DCHS2: variants seen among roughly 807,000 people sequenced by gnomAD.
DCHS2 encodes the protein dachsous cadherin-related 2.
DCHS2 carries 142 observed loss-of-function variants against 182.4 expected under a neutral mutation model. That is an observed-to-expected ratio of 0.78 (90% CI 0.68 to 0.89). The LOEUF is 0.89. Among genes scored for constraint, DCHS2 ranks in the 40% least tolerant of loss-of-function variants. The pLI is 0.00. For synonymous variants in DCHS2, 1,740 were observed against 1,663.3 expected (o/e 1.05, Z -1.12); for missense variants, 4,319 against 4,198.6 (o/e 1.03, Z -0.79).
chr4:154,411,396 A>T (rs1732627345), intron 1 of DCHS2, among the ~76,000 whole-genome samples: 1 of 152,192 alleles, frequency 6.6e-6, no homozygotes, highest in Non-Finnish European at 1.5e-5. Flanking sequence ...CAGGAGTTCA[A>T]GACCAGCCTG....
chr4:154,487,359 A>G (rs545111591), intron 1 of DCHS2, among the ~76,000 whole-genome samples: 2 of 152,216 alleles, frequency 1.3e-5, no homozygotes, highest in Non-Finnish European at 2.9e-5. Context: ...GAAGTTGTGT[A>G]AGTCACTCTC....
chr4:154,288,303 A>AC (rs1430347610), intron 13 of DCHS2, among the ~76,000 whole-genome samples: 1 of 152,214 alleles, frequency 6.6e-6, no homozygotes, highest in Non-Finnish European at 1.5e-5. Flanking sequence ...ATAGATTTCA[A>AC]CACAAAAACT....
intron 2 of DCHS2, among the ~76,000 whole-genome samples, chr4:154,366,648 C>T (rs1408831024): frequency 1.3e-5 from 2 of 151,996 alleles, no homozygotes; most frequent in African/African-American, 2.4e-5. Flanking sequence ...TATACACACA[C>T]ACACAGACAC....
At chr4:154,250,472 T>G (rs758930317) in intron 16 of DCHS2, among the ~76,000 whole-genome samples, 3 of 152,168 alleles carry the variant, frequency 2.0e-5, no homozygotes, top group Non-Finnish European at 4.4e-5. Flanking sequence ...GATTATTATT[T>G]TCAATTGCCA....
chr4:154,380,405 T>C (rs1731116302), intron 1 of DCHS2, among the ~76,000 whole-genome samples: 1 of 152,140 alleles, frequency 6.6e-6, no homozygotes, highest in Non-Finnish European at 1.5e-5. Flanking sequence ...TGGTCTATTC[T>C]ATTCTGACAG....
chr4:154,407,318 GC>G (rs1440014951), intron 1 of DCHS2, among the ~76,000 whole-genome samples: 1 of 152,010 alleles, frequency 6.6e-6, no homozygotes, highest in African/African-American at 2.4e-5. Context: ...CTGTTAATTT[GC>G]TATTGAAAGG....
At chr4:154,274,606 T>G (rs1733747713) in intron 13 of DCHS2, among the ~76,000 whole-genome samples, 1 of 152,160 alleles carries the variant, frequency 6.6e-6, no homozygotes, top group African/African-American at 2.4e-5. Flanking sequence ...TCTGGCGTAT[T>G]TTGCTCAGTG....
chr4:154,329,989 G>A (rs777130307), intron 5 of DCHS2, among the ~76,000 whole-genome samples: 10 of 152,156 alleles, frequency 6.6e-5, no homozygotes, highest in African/African-American at 9.7e-5. Flanking sequence ...ATAAAACTCC[G>A]TGGGAACTTA....
chr4:154,452,726 T>G (rs976987602), intron 1 of DCHS2, among the ~76,000 whole-genome samples: 1 of 152,218 alleles, frequency 6.6e-6, no homozygotes, highest in Non-Finnish European at 1.5e-5. Flanking sequence ...CAAATAACCC[T>G]AAATTTTTTT....
chr4:154,384,305 A>T, intron 1 of DCHS2: 1 of 1,570,076 alleles, frequency 6.4e-7, no homozygotes, highest in Non-Finnish European at 8.6e-7. Context: ...TCCTTATTGA[A>T]ACATCCTTCA....
intron 1 of DCHS2, among the ~76,000 whole-genome samples, chr4:154,417,204 T>TGTGAGA (rs1560745908): frequency 1.1e-3 from 44 of 39,438 alleles, no homozygotes; most frequent in East Asian, 1.7e-3. Context: ...TGTGTGTGTG[T>TGTGAGA]GAGAGAGAGA....
At chr4:154,384,380 C>T in intron 1 of DCHS2, 1 of 1,613,172 alleles carries the variant, frequency 6.2e-7, no homozygotes, top group Non-Finnish European at 8.5e-7. Flanking sequence ...CAGTTTCCTT[C>T]ACTGGTTTTG....
chr4:154,306,276 AAAGTCT>A (rs2111302894), intron 10 of DCHS2, among the ~76,000 whole-genome samples: 1 of 152,218 alleles, frequency 6.6e-6, no homozygotes, highest in East Asian at 1.9e-4. Context: ...CCTGAGAAAA[AAAGTCT>A]AATAACATAG....
rs1374869365 is a variant in DCHS2 at position 154,377,240 on chromosome 4, C to T, written c.2244+13G>A. ...GATTATGTTTAAAATAAACTTCATA[C>T]ATAAAAACTTACCCCATCCTTAGCT... is the stretch of plus-strand genomic sequence containing the variant. On this transcript the variant is annotated intron_variant, in intron 2 of 19. Transcript: ENST00000357232. 1 of 1,610,718 alleles carries T rather than the reference C, an allele frequency of 6.2e-7. No individual in the cohort carries two copies. Among genetic ancestry groups the T allele is most frequent in the South Asian group, 1.1e-5 (1 of 90,654 alleles).
At chr4:154,405,611 T>G (rs956477261) in intron 1 of DCHS2, among the ~76,000 whole-genome samples, 1 of 152,194 alleles carries the variant, frequency 6.6e-6, no homozygotes, top group Non-Finnish European at 1.5e-5. Context: ...CAGATTAGAC[T>G]TATTTCAGAT....
Position 154,435,362 on chromosome 4 carries a change from C to T in DCHS2, c.2052+53942G>A, listed in dbSNP as rs192443391. ...CTGTAATCCCAGCACTTTGGGAGGC[C>T]GAGGCAGGCAGATCACGAGGTCAGG... On this transcript the variant is annotated intron_variant, in intron 1 of 19. Coordinates refer to ENST00000357232, the MANE Select transcript of DCHS2 (RefSeq NM_001358235.2). Among the ~76,000 whole-genome samples the T allele has an allele frequency of 1.5e-3, 235 of 152,092 alleles. 2 individuals are homozygous for T. Among genetic ancestry groups the T allele is most frequent in the African/African-American group, 5.6e-3 (231 of 41,486 alleles).
intron 1 of DCHS2, among the ~76,000 whole-genome samples, chr4:154,423,739 G>A (rs1579069857): frequency 1.3e-5 from 2 of 152,194 alleles, no homozygotes; most frequent in East Asian, 1.9e-4. Context: ...AACTCTGTAC[G>A]CTTTTCTTAT....
intron 3 of DCHS2, among the ~76,000 whole-genome samples, chr4:154,356,234 T>A (rs1310693480): frequency 6.6e-6 from 1 of 151,864 alleles, no homozygotes; most frequent in African/African-American, 2.4e-5. Context: ...TTAAAAAAAA[T>A]TAAAAACAAA....
intron 3 of DCHS2, among the ~76,000 whole-genome samples, chr4:154,356,459 G>A (rs1469330545): frequency 6.6e-6 from 1 of 152,156 alleles, no homozygotes; most frequent in South Asian, 2.1e-4. Context: ...TATTTCTAAA[G>A]TCTACAGTAG....
Sources: allele counts gnomAD v4.1 joint callset (sites outside exome capture counted in the v4.1 genomes callset), GRCh38; gene constraint gnomAD v4.1.1; transcripts MANE v1.5; gene names NCBI Gene and HGNC (gene_info 2026-07-23, HGNC 2026-07-21).